APLP2: variants seen among roughly 807,000 people sequenced by gnomAD.
APLP2 encodes CDEI box-binding protein.
A neutral mutation model predicts 89.9 loss-of-function variants in APLP2; 53 were observed. The observed-to-expected ratio is 0.59, with a 90% CI of 0.47 to 0.74. The LOEUF (loss-of-function observed/expected upper bound fraction) is 0.74, where lower values mean the gene tolerates loss of function less well. Among genes scored for constraint, APLP2 ranks in the 30% least tolerant of loss-of-function variants. The probability of loss-of-function intolerance (pLI) is 0.00; values close to 1 mark genes in which losing one functional copy is unlikely to be tolerated. For missense variants in APLP2, 973 were observed against 975.9 expected, an observed-to-expected ratio of 1.00 and a Z score of 0.04; for synonymous variants, 372 against 348.6, an observed-to-expected ratio of 1.07 and a Z score of -0.75.
chr11:130,130,373 T>C (rs188508810), intron 11 of APLP2, among the ~76,000 whole-genome samples: 1 of 152,382 alleles, frequency 6.6e-6, no homozygotes, highest in East Asian at 1.9e-4. Context: ...TTTTTTATAT[T>C]AACTGCTTTA....
At chr11:130,113,754 T>C (rs751059028) in intron 3 of APLP2, among the ~76,000 whole-genome samples, 2 of 152,190 alleles carry the variant, frequency 1.3e-5, no homozygotes, top group Non-Finnish European at 2.9e-5. Context: ...CTTTTGATGA[T>C]AGTCTTTTAG....
At chr11:130,105,169 T>C (rs2135734668) in intron 1 of APLP2, among the ~76,000 whole-genome samples, 1 of 152,304 alleles carries the variant, frequency 6.6e-6, no homozygotes, top group Non-Finnish European at 1.5e-5. Flanking sequence ...TCCCAGTCCT[T>C]TGGGAGGTCA....
At chr11:130,100,643 A>T (rs1289729757) in intron 1 of APLP2, among the ~76,000 whole-genome samples, 2 of 152,316 alleles carry the variant, frequency 1.3e-5, no homozygotes, top group African/African-American at 4.8e-5. Flanking sequence ...AACCATTTTC[A>T]ATCTTGGAAA....
chr11:130,141,636 T>G lies in APLP2; in HGVS notation c.1998+64T>G. The G allele has an allele frequency of 1.4e-6, 2 of 1,448,728 alleles. No individual in the cohort carries two copies. Among genetic ancestry groups the G allele is most frequent in the Non-Finnish European group, 1.9e-6 (2 of 1,034,734 alleles). The allele number at this position is 1,448,728 out of a possible 1,614,324, so 89.7% of individuals were successfully genotyped here. A position where few individuals can be genotyped will look rare whatever the true frequency, so the allele number is the denominator to read the frequency against. ...TCTTAGGTATTTCTCCTCTGGACCT[T>G]CTCAGTTCAAGTAGAAAACGGGAGA... On this transcript the variant is annotated intron_variant, in intron 15 of 16. Transcript: ENST00000338167. This position sits in a 1 kb window ranked among gnomAD's most constrained non-coding sequence, Gnocchi z 4.2.
intron 1 of APLP2, among the ~76,000 whole-genome samples, chr11:130,105,013 T>G (rs1947463594): frequency 6.6e-6 from 1 of 152,236 alleles, no homozygotes; most frequent in Admixed American, 6.5e-5. Context: ...CCATAATATA[T>G]TTCACAATCA....
chr11:130,076,816 C>T (rs1028962203), intron 1 of APLP2, among the ~76,000 whole-genome samples: 3 of 152,118 alleles, frequency 2.0e-5, no homozygotes, highest in African/African-American at 7.2e-5. Context: ...TCTCAAAGCC[C>T]ACCAGCATAA....
intron 1 of APLP2, among the ~76,000 whole-genome samples, chr11:130,104,766 G>A (rs764503082): frequency 9.9e-5 from 15 of 152,032 alleles, no homozygotes; most frequent in Non-Finnish European, 4.4e-5. Context: ...ATGAATATTC[G>A]TTCCAGCAGG....
chr11:130,139,687 G>A (rs1952107034), intron 13 of APLP2: 1 of 152,326 alleles, frequency 6.6e-6, no homozygotes, highest in African/African-American at 2.4e-5. Flanking sequence ...TTGCTGCTCT[G>A]TTTAGAGAAA....
intron 1 of APLP2, chr11:130,108,593 T>TTTA (rs1463867021): frequency 6.6e-6 from 1 of 152,152 alleles, no homozygotes; most frequent in Non-Finnish European, 1.5e-5. Context: ...TAGGAACACT[T>TTTA]TTACACTGTT....
chr11:130,085,494 A>G (rs1943967578), intron 1 of APLP2, among the ~76,000 whole-genome samples: 1 of 152,094 alleles, frequency 6.6e-6, no homozygotes, highest in Non-Finnish European at 1.5e-5. Context: ...AAAAACTTCG[A>G]ACTAAGGAAA....
At chr11:130,142,440 GT>G (rs1952535747) in intron 16 of APLP2, among the ~76,000 whole-genome samples, 1 of 151,996 alleles carries the variant, frequency 6.6e-6, no homozygotes, top group East Asian at 1.9e-4. Flanking sequence ...GAAGCAGACT[GT>G]TTCTGTTCTG....
chr11:130,114,088 A>C (rs566166356), intron 3 of APLP2, among the ~76,000 whole-genome samples: 19 of 152,340 alleles, frequency 1.2e-4, no homozygotes, highest in Middle Eastern at 3.4e-3. Flanking sequence ...ATCAAAAATC[A>C]AGATTTTGTA....
Position 130,141,850 on chromosome 11 carries a change from G to T in APLP2, c.1999-69G>T. 1 of 1,541,258 alleles carries T rather than the reference G, an allele frequency of 6.5e-7. No individual in the cohort carries two copies. ...CGACCTTCCAGGAGCGTGGCCCTCA[G>T]TGAGTTACTTGCCTCACGGCTGCCA... On this transcript the variant is annotated intron_variant, in intron 15 of 16. Coordinates refer to ENST00000338167, the MANE Select transcript of APLP2 (RefSeq NM_001142276.2). The surrounding 1 kb of genome is among the most constrained non-coding windows in gnomAD (Gnocchi z 4.2).
rs1952681067 is a variant in APLP2, at chr11:130,143,651, A to G, written c.*203A>G. The G allele has an allele frequency of 5.6e-6, 3 of 535,204 alleles. No individual in the cohort carries two copies. Among genetic ancestry groups the G allele is most frequent in the African/African-American group, 3.8e-5 (2 of 52,656 alleles). The allele number at this position is 535,204 out of a possible 1,614,324, so 33.2% of individuals were successfully genotyped here. On this transcript the variant is annotated 3_prime_UTR_variant, in exon 17 of 17. Transcript: ENST00000338167. ...GGGTGAAAAATGGTAATATAACAATATATGATATATAAACCTTAAATGAAA... is the reference window on the plus strand; with the variant it reads ...GGGTGAAAAATGGTAATATAACAATGTATGATATATAAACCTTAAATGAAA...
chr11:130,107,717 T>G (rs2135765291), intron 1 of APLP2, among the ~76,000 whole-genome samples: 1 of 152,282 alleles, frequency 6.6e-6, no homozygotes, highest in South Asian at 2.1e-4. Flanking sequence ...AAAACTACTT[T>G]AAAGTTCATA....
chr11:130,137,103 G>C (rs563690028), intron 13 of APLP2, among the ~76,000 whole-genome samples: 13 of 152,224 alleles, frequency 8.5e-5, no homozygotes, highest in Admixed American at 3.9e-4. Flanking sequence ...GTTTGTTTAT[G>C]GGATATTTCA....
Position 130,143,394 on chromosome 11 carries a change from G to T in APLP2, c.2202G>T (p.Gln734His). 6.2e-7 allele frequency: 1 copy of T among 1,613,860 alleles called. No individual in the cohort carries two copies. The highest frequency in any genetic ancestry group is 8.5e-7 in the Non-Finnish European group (1 of 1,179,966). ...AAGAGCGTCACCTGAACAAGATGCAGAACCATGGCTATGAGAACCCCACCT... is the reference window on the plus strand; with the variant it reads ...AAGAGCGTCACCTGAACAAGATGCATAACCATGGCTATGAGAACCCCACCT... The part of the protein sequence containing the change: ...TPEERHLNKM[Q>H]NHGYENPTYK... The change falls in exon 17 of 17, where the codon CAG becomes CAT. Residue 734 changes from glutamine to histidine, a missense_variant. Physicochemically the swap from Gln to His is conservative, Grantham distance 24. Coordinates refer to ENST00000338167, the MANE Select transcript of APLP2 (RefSeq NM_001142276.2).
Position 130,133,837 on chromosome 11 carries a change from G to A in APLP2, c.1684+109G>A, listed in dbSNP as rs149683119. The A allele has an allele frequency of 5.6e-4, 447 of 793,374 alleles. 1 individual carries two copies. The African/African-American group carries it at 6.9e-3, about 12-fold the overall frequency. 49.1% of individuals were successfully genotyped at this position (793,374 alleles called of 1,614,324 possible). A position where few individuals can be genotyped will look rare whatever the true frequency, so the allele number is the denominator to read the frequency against. On this transcript the variant is annotated intron_variant, in intron 12 of 16. Transcript: ENST00000338167. ...ATGAGCAAGCAAGGCCGGTGAAGTG[G>A]GGCATTAGCACATCCTGGCTTCAGA...
At chr11:130,130,574 C>A (rs995961318) in intron 11 of APLP2, among the ~76,000 whole-genome samples, 3 of 152,160 alleles carry the variant, frequency 2.0e-5, no homozygotes, top group Non-Finnish European at 4.4e-5. Context: ...GCTTTACTTT[C>A]ATCTACAGAG....
Sources: gnomAD v4.1 joint callset for allele counts (sites outside exome capture counted in the v4.1 genomes callset) on GRCh38, gnomAD v4.1.1 for gene constraint, Gnocchi (gnomAD v3.1) non-coding constraint, MANE v1.5 for transcripts, NCBI Gene and HGNC (gene_info 2026-07-23, HGNC 2026-07-21) for gene names.